Variants in MAPK8IP1 observed in about 807,000 individuals in gnomAD.
MAPK8IP1 encodes the protein mitogen-activated protein kinase 8 interacting protein 1, also known as C-Jun-amino-terminal kinase-interacting protein 1.
A neutral mutation model predicts 72.6 loss-of-function variants in MAPK8IP1; 17 were observed. That is an observed-to-expected ratio of 0.23 (90% CI 0.16 to 0.35). The LOEUF is 0.35. MAPK8IP1 is among the 10% of genes least tolerant of loss of function. MAPK8IP1 has a pLI of 1.00. For synonymous variants in MAPK8IP1, 401 were observed against 443.4 expected, an observed-to-expected ratio of 0.90 and a Z score of 1.20; for missense variants, 789 against 1,009.7, an observed-to-expected ratio of 0.78 and a Z score of 2.96.
intron 1 of MAPK8IP1, among the ~76,000 whole-genome samples, chr11:45,893,627 C>T (rs1256110731): frequency 6.6e-6 from 1 of 151,520 alleles, no homozygotes; most frequent in Admixed American, 6.6e-5. Context: ...GCTGCTTCTA[C>T]AGGAGACTGC....
At chr11:45,885,995 C>A in intron 1 of MAPK8IP1, 74 bp downstream of exon 1, 2 of 891,518 alleles carry the variant, frequency 2.2e-6, no homozygotes, top group South Asian at 2.4e-5. Context: ...TGCCCGCCCC[C>A]CACCCCAGAA....
rs1590787297 is a variant in MAPK8IP1, at chr11:45,902,156, T to G, written c.604+95T>G. 1 of 1,215,226 alleles carries G rather than the reference T, an allele frequency of 8.2e-7. No homozygotes were observed. The highest frequency in any genetic ancestry group is 2.3e-5 in the East Asian group (1 of 43,002). The allele number at this position is 1,215,226 out of a possible 1,614,324, so 75.3% of individuals were successfully genotyped here. On this transcript the variant is annotated intron_variant, in intron 4 of 11. Coordinates refer to ENST00000241014, the MANE Select transcript of MAPK8IP1 (RefSeq NM_005456.4). The surrounding 1 kb of genome is among the most constrained non-coding windows in gnomAD (Gnocchi z 9.3). ...ACCCTACAGTCTCCAAAGGGCTGAG[T>G]AGAGGTGAACTGCCCACCCACATCC...
At chr11:45,901,771 A>G (rs1361116157) in intron 3 of MAPK8IP1, among the ~76,000 whole-genome samples, 1 of 152,186 alleles carries the variant, frequency 6.6e-6, no homozygotes, top group Admixed American at 6.5e-5. Context: ...AGCAAGGCGG[A>G]GGGCCATCCA....
At position 45,903,901 on chromosome 11, in the gene MAPK8IP1, C is replaced by A. The variant is rs143323149; in HGVS notation, c.1494-88C>A. The A allele has an allele frequency of 1.6e-6, 2 of 1,230,948 alleles. No homozygotes were observed. The highest frequency in any genetic ancestry group is 2.4e-6 in the Non-Finnish European group (2 of 840,086). The allele number at this position is 1,230,948 out of a possible 1,614,324, so 76.3% of individuals were successfully genotyped here. On this transcript the variant is annotated intron_variant, in intron 6 of 11. Coordinates refer to ENST00000241014, the MANE Select transcript of MAPK8IP1 (RefSeq NM_005456.4). The surrounding 1 kb of genome is among the most constrained non-coding windows in gnomAD (Gnocchi z 6.4). ...CTTTTGCAAATGTTTACTGAAATAACGATGCTGCTGTGGCTCCCAGACCCC... is the reference window on the plus strand; with the variant it reads ...CTTTTGCAAATGTTTACTGAAATAAAGATGCTGCTGTGGCTCCCAGACCCC...
At chr11:45,890,689 G>A (rs1485598355) in intron 1 of MAPK8IP1, among the ~76,000 whole-genome samples, 1 of 152,062 alleles carries the variant, frequency 6.6e-6, no homozygotes, top group African/African-American at 2.4e-5. Flanking sequence ...GGGCTCCTTG[G>A]TGGGTGGGGT....
Position 45,902,192 on chromosome 11 carries a change from C to T in MAPK8IP1, c.604+131C>T. ...TGCCCACCCACATCCCTGCACGAGC[C>T]CATCCAGGGGCTGAGATCAGTGGTG... On this transcript the variant is annotated intron_variant, in intron 4 of 11. Coordinates refer to ENST00000241014, the MANE Select transcript of MAPK8IP1 (RefSeq NM_005456.4). The surrounding 1 kb of genome is among the most constrained non-coding windows in gnomAD (Gnocchi z 9.3). 1 of 1,015,416 alleles carries T rather than the reference C, an allele frequency of 9.8e-7. No individual in the cohort carries two copies. The highest frequency in any genetic ancestry group is 1.6e-6 in the Non-Finnish European group (1 of 638,882). The allele number at this position is 1,015,416 out of a possible 1,614,324, so 62.9% of individuals were successfully genotyped here.
At chr11:45,899,823 C>A (rs1423199433) in intron 2 of MAPK8IP1, among the ~76,000 whole-genome samples, 1 of 152,216 alleles carries the variant, frequency 6.6e-6, no homozygotes, top group Non-Finnish European at 1.5e-5. Context: ...ACAGCGGTGA[C>A]TTCACTCTGG....
chr11:45,901,203 C>T (rs1436278048), intron 3 of MAPK8IP1, among the ~76,000 whole-genome samples: 3 of 152,022 alleles, frequency 2.0e-5, no homozygotes, highest in South Asian at 2.1e-4. Flanking sequence ...TTTGGCAGCC[C>T]GGCTCAGGAA....
chr11:45,904,804 C>T lies in MAPK8IP1; in HGVS notation c.1863C>T (p.Gly621=), dbSNP rs768172732. The T allele has an allele frequency of 2.1e-5, 34 of 1,614,060 alleles. No homozygotes were observed. In the South Asian group the frequency reaches 3.2e-4, roughly 15 times the overall value. The part of the protein sequence containing the change: ...LEISVRGVKI[G]VKADDSQEAK... ...TCAGCGTGCGGGGTGTGAAGATAGG[C>T]GTCAAGGCCGATGACTCCCAGGAGG... The change falls in exon 9 of 12, where the codon GGC becomes GGT. Residue 621 remains glycine (G), a synonymous_variant. Transcript: ENST00000241014. The surrounding 1 kb of genome is among the most constrained non-coding windows in gnomAD (Gnocchi z 6.4).
Position 45,885,775 on chromosome 11 carries a change from T to TCCTCCGCGCCGCGCTCCGCCC in MAPK8IP1, c.-45_-25dup, listed in dbSNP as rs2134661910. The TCCTCCGCGCCGCGCTCCGCCC allele has an allele frequency of 8.6e-7, 1 of 1,169,068 alleles. No homozygotes were observed. The highest frequency in any genetic ancestry group is 3.2e-5 in the East Asian group (1 of 31,014). 72.4% of individuals were successfully genotyped at this position (1,169,068 alleles called of 1,614,324 possible). A position where few individuals can be genotyped will look rare whatever the true frequency, so the allele number is the denominator to read the frequency against. On this transcript the variant is annotated 5_prime_UTR_variant, in exon 1 of 12. Coordinates refer to ENST00000241014, the MANE Select transcript of MAPK8IP1 (RefSeq NM_005456.4). ...CTCCGCCTCCTTCGCAGCCGCCGCC[T>TCCTCCGCGCCGCGCTCCGCCC]CCTCCGCGCCGCGCTCCGCCCGGAT...
rs1315662167 is a variant in MAPK8IP1, at chr11:45,902,337, A to G, written c.605-35A>G. 34 of 1,500,876 alleles carry G rather than the reference A, an allele frequency of 2.3e-5. No individual in the cohort carries two copies. Among genetic ancestry groups the G allele is most frequent in the Admixed American group, 5.9e-5 (3 of 50,928 alleles). The allele number at this position is 1,500,876 out of a possible 1,614,324, so 93.0% of individuals were successfully genotyped here. A position where few individuals can be genotyped will look rare whatever the true frequency, so the allele number is the denominator to read the frequency against. On this transcript the variant is annotated intron_variant, in intron 4 of 11. Coordinates refer to ENST00000241014, the MANE Select transcript of MAPK8IP1 (RefSeq NM_005456.4). The surrounding 1 kb of genome is among the most constrained non-coding windows in gnomAD (Gnocchi z 9.3). ...GGTGCAGGTAGCTGGGAGTTGGGAG[A>G]GAGCCCCTGCCTTCATGACCTGCCT...
At chr11:45,905,350 C>A in intron 11 of MAPK8IP1, 101 bp downstream of exon 11, 1 of 1,142,894 alleles carries the variant, frequency 8.7e-7, no homozygotes, top group South Asian at 1.3e-5. Flanking sequence ...CGGTTTCCCC[C>A]GCAGCTCTGG....
intron 10 of MAPK8IP1, 46 bp downstream of exon 10, chr11:45,905,087 A>C (rs2134679034): frequency 6.2e-7 from 1 of 1,612,498 alleles, no homozygotes; most frequent in Non-Finnish European, 8.5e-7. Context: ...GGTGGTCTGC[A>C]GCCTTGAGGT....
At position 45,893,684 on chromosome 11, in the gene MAPK8IP1, C is replaced by T. The variant is rs137972081; in HGVS notation, c.102-4401C>T. Reference sequence around the variant, plus strand: ...TGAGGGAGGCCGGCCTGCGGAGGGCCGTAGGATTCAGTTTGGAGGCCTCCT... The same window carrying T: ...TGAGGGAGGCCGGCCTGCGGAGGGCTGTAGGATTCAGTTTGGAGGCCTCCT... On this transcript the variant is annotated intron_variant, in intron 1 of 11. Coordinates refer to ENST00000241014, the MANE Select transcript of MAPK8IP1 (RefSeq NM_005456.4). Among the ~76,000 whole-genome samples, 405 of 152,060 alleles carry T rather than the reference C, an allele frequency of 2.7e-3. 2 individuals carry two copies. Among genetic ancestry groups the T allele is most frequent in the African/African-American group, 9.2e-3 (382 of 41,498 alleles).
At chr11:45,895,902 G>A (rs2086601411) in intron 1 of MAPK8IP1, among the ~76,000 whole-genome samples, 1 of 151,952 alleles carries the variant, frequency 6.6e-6, no homozygotes, top group Non-Finnish European at 1.5e-5. Context: ...CTGGCTTCTG[G>A]GCCAGGCCCT....
chr11:45,901,908 C>A, intron 3 of MAPK8IP1, 72 bp from the exon 4 acceptor site: 1 of 1,179,770 alleles, frequency 8.5e-7, no homozygotes, highest in East Asian at 2.3e-5. Context: ...CCTGAGGGGG[C>A]AGGGCCGGGG....
At chr11:45,893,189 C>G (rs2086579476) in intron 1 of MAPK8IP1, among the ~76,000 whole-genome samples, 1 of 152,222 alleles carries the variant, frequency 6.6e-6, no homozygotes, top group South Asian at 2.1e-4. Context: ...AGCACTTTAC[C>G]ACTTAACCTT....
Position 45,885,668 on chromosome 11 carries a change from G to C in MAPK8IP1, c.-153G>C. On this transcript the variant is annotated 5_prime_UTR_variant, in exon 1 of 12. Coordinates refer to ENST00000241014, the MANE Select transcript of MAPK8IP1 (RefSeq NM_005456.4). ...CTCTCGCCAGTCCCGCGGGCCGTGC[G>C]CGGTGCTGTGCCGCGCCCTGCCAGA... is the stretch of plus-strand genomic sequence containing the variant. 3.3e-6 allele frequency: 1 copy of C among 306,262 alleles called. No homozygotes were observed. The highest frequency in any genetic ancestry group is 9.4e-4 in the Middle Eastern group (1 of 1,066). The allele number at this position is 306,262 out of a possible 1,614,324, so 19.0% of individuals were successfully genotyped here.
In MAPK8IP1 at chr11:45,902,302, G is replaced by A. The variant is rs2086659991; in HGVS notation, c.605-70G>A. 2 of 1,332,300 alleles carry A rather than the reference G, an allele frequency of 1.5e-6. No homozygotes were observed. The highest frequency in any genetic ancestry group is 2.1e-6 in the Non-Finnish European group (2 of 947,472). The allele number at this position is 1,332,300 out of a possible 1,614,324, so 82.5% of individuals were successfully genotyped here. On this transcript the variant is annotated intron_variant, in intron 4 of 11. Coordinates refer to ENST00000241014, the MANE Select transcript of MAPK8IP1 (RefSeq NM_005456.4). The surrounding 1 kb of genome is among the most constrained non-coding windows in gnomAD (Gnocchi z 9.3). Reference sequence around the variant, plus strand: ...GTCTTGGTTTCTGTGTCACCAAGCTGAGAGTGGCAGGTGCAGGTAGCTGGG... The same window carrying A: ...GTCTTGGTTTCTGTGTCACCAAGCTAAGAGTGGCAGGTGCAGGTAGCTGGG...
Sources: allele counts gnomAD v4.1 joint callset (sites outside exome capture counted in the v4.1 genomes callset), GRCh38; gene constraint gnomAD v4.1.1; non-coding constraint Gnocchi (gnomAD v3.1); transcripts MANE v1.5; gene names NCBI Gene and HGNC (gene_info 2026-07-23, HGNC 2026-07-21).